Variants in FSCN2 observed in about 807,000 individuals in gnomAD.
The protein encoded by FSCN2 is fascin-2.
A neutral mutation model predicts 37.8 loss-of-function variants in FSCN2; 46 were observed. That is an observed-to-expected ratio of 1.22 (90% CI 0.96 to 1.56). FSCN2 has a LOEUF of 1.56. FSCN2 is among the 40% of genes most tolerant of loss of function. The pLI is 0.00. For missense variants in FSCN2, 844 were observed against 730.4 expected (o/e 1.16, Z -1.79); for synonymous variants, 351 against 309.4 (o/e 1.13, Z -1.41).
intron 2 of FSCN2, 112 bp downstream of exon 2, chr17:81,535,320 CCCACCA>C (rs1471653403): frequency 1.4e-5 from 7 of 489,352 alleles, no homozygotes; most frequent in Non-Finnish European, 2.4e-5. Context: ...CACCCCCACC[CCCACCA>C]GCCCCATCCC....
chr17:81,526,493 C>T (rs797042977), upstream of FSCN2, among the ~76,000 whole-genome samples: 16 of 152,230 alleles, frequency 1.1e-4, no homozygotes, highest in East Asian at 1.5e-3. Context: ...TAGCCGGGCA[C>T]GGTAGCAAGT....
chr17:81,518,028 A>G, the FSCN2 span, among the ~76,000 whole-genome samples: 9 of 152,108 alleles, frequency 5.9e-5, no homozygotes, highest in African/African-American at 1.2e-4. Context: ...GGCTTCCGCA[A>G]TGAATCCCCA....
In FSCN2 at chr17:81,535,848, T is replaced by C. The variant is rs1310664089; in HGVS notation, c.984-298T>C. 1.7e-3 allele frequency among the ~76,000 whole-genome samples: 125 copies of C among 73,336 alleles called. 1 individual carries two copies. Among genetic ancestry groups the C allele is most frequent in the African/African-American group, 9.0e-3 (110 of 12,202 alleles). 48.1% of individuals were successfully genotyped at this position (73,336 alleles called of 152,430 possible). On this transcript the variant is annotated intron_variant, in intron 2 of 4. Transcript: ENST00000417245. Reference sequence around the variant, plus strand: ...CCCCCTCTCCATCCCCATCCCCATCTCCATCACCATCCCCCTCTCCATCCC... The same window carrying C: ...CCCCCTCTCCATCCCCATCCCCATCCCCATCACCATCCCCCTCTCCATCCC...
Position 81,536,131 on chromosome 17 carries a change from T to G in FSCN2, c.984-15T>G. The G allele has an allele frequency of 6.2e-7, 1 of 1,605,362 alleles. No individual in the cohort carries two copies. Among genetic ancestry groups the G allele is most frequent in the Non-Finnish European group, 8.5e-7 (1 of 1,176,646 alleles). On this transcript the variant is annotated splice_polypyrimidine_tract_variant and intron_variant, in intron 2 of 4. Coordinates refer to ENST00000417245, the MANE Select transcript of FSCN2 (RefSeq NM_012418.4). ...CTCCTGCTGTCCTGAGGAGACCTTT[T>G]GCTGCTCCCTCCAGTTCTGCCAACA... is the stretch of plus-strand genomic sequence containing the variant.
chr17:81,529,512 CAG>C, intron 1 of FSCN2, 155 bp downstream of exon 1: 2 of 806,204 alleles, frequency 2.5e-6, no homozygotes, highest in Middle Eastern at 2.2e-4. Context: ...TGTGGCCACT[CAG>C]GGTGTAGGTG....
rs745327152 is a variant in FSCN2 at position 81,536,996 on chromosome 17, C to T, written c.1395C>T (p.Ser465=). The T allele has an allele frequency of 1.2e-5, 18 of 1,520,700 alleles. No homozygotes were observed. The highest frequency in any genetic ancestry group is 3.7e-5 in the South Asian group (3 of 81,654). The allele number at this position is 1,520,700 out of a possible 1,614,324, so 94.2% of individuals were successfully genotyped here. Residue 465 remains serine (S), a synonymous_variant, in exon 5 of 5, where the codon AGC becomes AGT. Coordinates refer to ENST00000417245, the MANE Select transcript of FSCN2 (RefSeq NM_012418.4). ...GCCGCCTGGCCATCCGCGCCCGGAG[C>T]GGCAAGTACCTGCGCGGCGGCGCCT... ...ERGRLAIRAR[S]GKYLRGGASG...
At chr17:81,532,554 A>ATGGTGGTGATGGTGATGG (rs2032724608) in intron 1 of FSCN2, among the ~76,000 whole-genome samples, 1 of 138,236 alleles carries the variant, frequency 7.2e-6, no homozygotes, top group Non-Finnish European at 1.6e-5. Flanking sequence ...GGTGATGGTG[A>ATGGTGGTGATGGTGATGG]TGGTGGTGAT....
chr17:81,524,746 CT>C (rs36033422), upstream of FSCN2, among the ~76,000 whole-genome samples: 58,642 of 151,866 alleles, frequency 0.39, 11,802 homozygotes, highest in African/African-American at 0.46. Flanking sequence ...AATAGCCTCC[CT>C]TGGGCAGTGT....
At chr17:81,536,569 C>T (rs1249170503) in intron 3 of FSCN2, 53 bp from the exon 4 acceptor site, 26 of 1,600,258 alleles carry the variant, frequency 1.6e-5, no homozygotes, top group Non-Finnish European at 2.1e-5. Context: ...CCCGCCCGGC[C>T]TGGACAGGGA....
chr17:81,516,091 G>A, the FSCN2 span, among the ~76,000 whole-genome samples: 4 of 152,214 alleles, frequency 2.6e-5, no homozygotes, highest in African/African-American at 7.2e-5. Flanking sequence ...TGATCCACTC[G>A]CCTAGGCCTT....
intron 1 of FSCN2, among the ~76,000 whole-genome samples, chr17:81,532,670 A>AATGGTGATGATAGTG (rs561733019): frequency 1.0e-5 from 1 of 99,702 alleles, no homozygotes; most frequent in Admixed American, 9.3e-5. Flanking sequence ...TGATGGAGGC[A>AATGGTGATGATAGTG]ATGGTGATGA....
chr17:81,520,760 T>C, the FSCN2 span, among the ~76,000 whole-genome samples: 1 of 152,248 alleles, frequency 6.6e-6, no homozygotes, highest in African/African-American at 2.4e-5. Flanking sequence ...GGCTTTTCCT[T>C]GCTGATCTAA....
At chr17:81,529,584 A>G in intron 1 of FSCN2, 1 of 751,452 alleles carries the variant, frequency 1.3e-6, no homozygotes. Flanking sequence ...TCAGGGTCAG[A>G]GGCAAGGGTT....
At chr17:81,531,890 G>A (rs920035603) in intron 1 of FSCN2, among the ~76,000 whole-genome samples, 5 of 64,738 alleles carry the variant, frequency 7.7e-5, no homozygotes, top group African/African-American at 1.7e-4. Flanking sequence ...TGGTGATGGC[G>A]ATGATGGTGA....
chr17:81,536,054 C>T, intron 2 of FSCN2, 92 bp from the exon 3 acceptor site: 1 of 1,490,344 alleles, frequency 6.7e-7, no homozygotes, highest in Non-Finnish European at 9.1e-7. Flanking sequence ...AGGCTTCTGT[C>T]CCACTCCTTG....
chr17:81,536,044 AGG>A, intron 2 of FSCN2, 100 bp from the exon 3 acceptor site: 1 of 1,421,298 alleles, frequency 7.0e-7, no homozygotes, highest in African/African-American at 1.4e-5. Context: ...AGTGGAGGGC[AGG>A]CTTCTGTCCC....
the FSCN2 span, among the ~76,000 whole-genome samples, chr17:81,522,924 C>T: frequency 6.6e-6 from 1 of 152,220 alleles, no homozygotes; most frequent in African/African-American, 2.4e-5. Context: ...GTTGGAGGCT[C>T]CATCGCCCCA....
chr17:81,535,243 C>G (rs1183255959), intron 2 of FSCN2, 35 bp downstream of exon 2: 1 of 1,450,002 alleles, frequency 6.9e-7, no homozygotes, highest in Admixed American at 2.1e-5. Flanking sequence ...TCCATCATCC[C>G]CATCCCCACC....
At chr17:81,525,315 A>G (rs547981728), upstream of FSCN2, among the ~76,000 whole-genome samples, 1 of 151,240 alleles carries the variant, frequency 6.6e-6, no homozygotes, top group South Asian at 2.1e-4. Context: ...AGTCCCAGCT[A>G]CTTGGGAGGC....
Sources: gnomAD v4.1 joint callset for allele counts (sites outside exome capture counted in the v4.1 genomes callset) on GRCh38, gnomAD v4.1.1 for gene constraint, MANE v1.5 for transcripts, NCBI Gene and HGNC (gene_info 2026-07-23, HGNC 2026-07-21) for gene names.